The following ZNF804B variants were observed in gnomAD, a reference collection of about 807,000 sequenced individuals.
The protein encoded by ZNF804B is zinc finger 804B.
A neutral mutation model predicts 101.4 loss-of-function variants in ZNF804B; 80 were observed. That is an observed-to-expected ratio of 0.79 (90% confidence interval 0.66 to 0.95). The LOEUF (loss-of-function observed/expected upper bound fraction) is 0.95. Among genes scored for constraint, ZNF804B ranks in the 40% least tolerant of loss-of-function variants. The probability of loss-of-function intolerance (pLI) is 0.00; values close to 1 mark genes in which losing one functional copy is unlikely to be tolerated. For missense variants in ZNF804B, 1,673 were observed against 1,561.9 expected (o/e 1.07, Z -1.20); for synonymous variants, 622 against 558.8 (o/e 1.11, Z -1.59).
At chr7:88,950,621 AAAG>A (rs1394262753) in intron 1 of ZNF804B, among the ~76,000 whole-genome samples, 1 of 151,908 alleles carries the variant, frequency 6.6e-6, no homozygotes, top group African/African-American at 2.4e-5. Flanking sequence ...AAGTTCAGTC[AAAG>A]AAGTAAGAGG....
chr7:89,268,486 A>G (rs1323160776), intron 2 of ZNF804B, among the ~76,000 whole-genome samples: 1 of 151,980 alleles, frequency 6.6e-6, no homozygotes, highest in Non-Finnish European at 1.5e-5. Flanking sequence ...TCTTTCTTAA[A>G]CTATTCCAAC....
intron 1 of ZNF804B, among the ~76,000 whole-genome samples, chr7:88,787,764 C>T (rs1790323732): frequency 6.6e-6 from 1 of 152,126 alleles, no homozygotes; most frequent in Non-Finnish European, 1.5e-5. Context: ...AACCCGGTTT[C>T]AGTTCAGCAA....
At chr7:89,252,356 TTA>T (rs1189207200) in intron 2 of ZNF804B, among the ~76,000 whole-genome samples, 1 of 152,038 alleles carries the variant, frequency 6.6e-6, no homozygotes, top group Non-Finnish European at 1.5e-5. Context: ...ATGGCTATTA[TTA>T]AAAGTAAAAA....
chr7:88,875,649 G>T (rs1791921505), intron 1 of ZNF804B, among the ~76,000 whole-genome samples: 1 of 151,394 alleles, frequency 6.6e-6, no homozygotes, highest in Non-Finnish European at 1.5e-5. Context: ...AACAGGCTCT[G>T]AAATTGTGGC....
intron 2 of ZNF804B, among the ~76,000 whole-genome samples, chr7:89,309,767 A>G (rs1790621575): frequency 1.7e-5 from 1 of 57,314 alleles, no homozygotes; most frequent in Non-Finnish European, 4.3e-5. Context: ...CTCAAAAAAA[A>G]AAAAAAAAAA....
At position 88,777,406 on chromosome 7, in the gene ZNF804B, A is replaced by G. The variant is rs535773302; in HGVS notation, c.108+17322A>G. 7.0e-4 allele frequency among the ~76,000 whole-genome samples: 106 copies of G among 152,350 alleles called. 1 individual carries two copies. Among genetic ancestry groups the G allele is most frequent in the African/African-American group, 2.5e-3 (105 of 41,586 alleles). ...AGACCCAACCAGAGACCAGCTAGCAAGGGGATCTGGAATAGGTACTTTACT... is the reference window on the plus strand; with the variant it reads ...AGACCCAACCAGAGACCAGCTAGCAGGGGGATCTGGAATAGGTACTTTACT... On this transcript the variant is annotated intron_variant, in intron 1 of 3. Transcript: ENST00000333190.
chr7:89,290,753 C>T (rs1165386199), intron 2 of ZNF804B, among the ~76,000 whole-genome samples: 1 of 152,144 alleles, frequency 6.6e-6, no homozygotes, highest in East Asian at 1.9e-4. Flanking sequence ...TGACCAGTCC[C>T]TGGCTCCTGG....
chr7:89,203,894 T>C (rs1044884928), intron 1 of ZNF804B, among the ~76,000 whole-genome samples: 2 of 152,156 alleles, frequency 1.3e-5, no homozygotes, highest in Non-Finnish European at 2.9e-5. Context: ...ATGTAGAACA[T>C]AAACACAGCA....
At chr7:88,924,812 G>A (rs1248152836) in intron 1 of ZNF804B, among the ~76,000 whole-genome samples, 2 of 152,058 alleles carry the variant, frequency 1.3e-5, no homozygotes, top group African/African-American at 4.8e-5. Flanking sequence ...CATGACAACA[G>A]GAGTGTCTAT....
At chr7:88,812,870 A>G (rs1362428928) in intron 1 of ZNF804B, among the ~76,000 whole-genome samples, 1 of 152,066 alleles carries the variant, frequency 6.6e-6, no homozygotes, top group Non-Finnish European at 1.5e-5. Flanking sequence ...CTAGAAACAG[A>G]AAGTAGAATG....
intron 1 of ZNF804B, among the ~76,000 whole-genome samples, chr7:88,952,439 C>A (rs947788367): frequency 2.6e-5 from 4 of 151,668 alleles, no homozygotes; most frequent in Non-Finnish European, 5.9e-5. Flanking sequence ...TTATGTGGTT[C>A]ATAACAAAAT....
chr7:88,861,560 A>G (rs1183976294), intron 1 of ZNF804B, among the ~76,000 whole-genome samples: 1 of 152,182 alleles, frequency 6.6e-6, no homozygotes, highest in Admixed American at 6.5e-5. Flanking sequence ...ATATTTTTGT[A>G]TGGATTTTAT....
chr7:89,093,470 G>A lies in ZNF804B; in HGVS notation c.109-124685G>A, dbSNP rs146988947. Reference sequence around the variant, plus strand: ...CTTCTAAAGGAGTTTTAAAAAATTTGTATACATCAAGGTTCACTCTTTGTG... The same window carrying A: ...CTTCTAAAGGAGTTTTAAAAAATTTATATACATCAAGGTTCACTCTTTGTG... On this transcript the variant is annotated intron_variant, in intron 1 of 3. Coordinates refer to ENST00000333190, the MANE Select transcript of ZNF804B (RefSeq NM_181646.5). Among the ~76,000 whole-genome samples the A allele has an allele frequency of 1.6e-3, 240 of 152,266 alleles. 1 individual carries two copies. The highest frequency in any genetic ancestry group is 5.5e-3 in the African/African-American group (230 of 41,548).
chr7:88,796,415 T>G (rs1000102440), intron 1 of ZNF804B, among the ~76,000 whole-genome samples: 1 of 152,158 alleles, frequency 6.6e-6, no homozygotes, highest in Non-Finnish European at 1.5e-5. Context: ...TGATTCACTT[T>G]ATCACTCCCT....
chr7:89,288,528 G>A (rs1305808484), intron 2 of ZNF804B, among the ~76,000 whole-genome samples: 1 of 152,084 alleles, frequency 6.6e-6, no homozygotes, highest in African/African-American at 2.4e-5. Flanking sequence ...TTTTAACGAT[G>A]CAATAATCAA....
At chr7:89,095,759 T>A (rs1243283992) in intron 1 of ZNF804B, among the ~76,000 whole-genome samples, 1 of 152,224 alleles carries the variant, frequency 6.6e-6, no homozygotes, top group African/African-American at 2.4e-5. Flanking sequence ...TTGTTTCCTG[T>A]TAAGTTTTTA....
intron 1 of ZNF804B, among the ~76,000 whole-genome samples, chr7:89,083,505 A>C (rs1789727999): frequency 1.3e-5 from 2 of 150,956 alleles, no homozygotes; most frequent in African/African-American, 4.9e-5. Context: ...ATTGATTATT[A>C]TTGTACATTC....
chr7:89,193,074 T>C (rs1349083499), intron 1 of ZNF804B, among the ~76,000 whole-genome samples: 1 of 152,018 alleles, frequency 6.6e-6, no homozygotes, highest in Non-Finnish European at 1.5e-5. Flanking sequence ...AACATTCACC[T>C]TGAAAACTGG....
chr7:88,770,800 C>T (rs985599350), intron 1 of ZNF804B, among the ~76,000 whole-genome samples: 1 of 151,618 alleles, frequency 6.6e-6, no homozygotes, highest in Non-Finnish European at 1.5e-5. Context: ...AACATAATAT[C>T]CCTTTAAATA....
Sources: allele counts gnomAD v4.1 joint callset (sites outside exome capture counted in the v4.1 genomes callset), GRCh38; gene constraint gnomAD v4.1.1; transcripts MANE v1.5; gene names NCBI Gene and HGNC (gene_info 2026-07-23, HGNC 2026-07-21).